GFRA1: variants seen among roughly 807,000 people sequenced by gnomAD.
The protein encoded by GFRA1 is GDNF family receptor alpha 1, also known as GDNF family receptor alpha-1.
A neutral mutation model predicts 51.6 loss-of-function variants in GFRA1; 16 were observed. That is an observed-to-expected ratio of 0.31 (90% CI 0.21 to 0.47). The LOEUF (loss-of-function observed/expected upper bound fraction) is 0.47. GFRA1 is among the 20% of genes least tolerant of loss of function. GFRA1 has a pLI of 1.00. For missense variants in GFRA1, 530 were observed against 594.3 expected, an observed-to-expected ratio of 0.89 and a Z score of 1.13; for synonymous variants, 270 against 241.3, an observed-to-expected ratio of 1.12 and a Z score of -1.10.
intron 4 of GFRA1, among the ~76,000 whole-genome samples, chr10:116,229,020 G>A (rs1368754750): frequency 6.8e-6 from 1 of 146,158 alleles, no homozygotes; most frequent in African/African-American, 2.5e-5. Context: ...AAGGCAGGTG[G>A]CCTCTAGAAA....
chr10:116,216,760 A>C (rs1965591997), intron 4 of GFRA1, among the ~76,000 whole-genome samples: 1 of 152,174 alleles, frequency 6.6e-6, no homozygotes, highest in South Asian at 2.1e-4. Flanking sequence ...TACAGAAAGA[A>C]AATTCTCTTT....
At chr10:116,127,641 T>C (rs1957932356) in intron 5 of GFRA1, among the ~76,000 whole-genome samples, 1 of 152,158 alleles carries the variant, frequency 6.6e-6, no homozygotes, top group Non-Finnish European at 1.5e-5. Flanking sequence ...CTCTAGCTCC[T>C]CTATTTCCAC....
At position 116,063,722 on chromosome 10, in the gene GFRA1, AT is replaced by A. The variant is rs1954936508; in HGVS notation, c.*675del. ...TCGGCACACTCATTCCCCACTCTCTATTTTGACGAAAAGACAGATACTATAT... is the reference window on the plus strand; with the variant it reads ...TCGGCACACTCATTCCCCACTCTCTATTTGACGAAAAGACAGATACTATAT... On this transcript the variant is annotated 3_prime_UTR_variant, in exon 11 of 11. Coordinates refer to ENST00000355422, the MANE Select transcript of GFRA1 (RefSeq NM_005264.8). The A allele has an allele frequency of 1.3e-5, 2 of 152,516 alleles. No individual in the cohort carries two copies. Among genetic ancestry groups the A allele is most frequent in the Non-Finnish European group, 2.9e-5 (2 of 68,216 alleles). 9.4% of individuals were successfully genotyped at this position (152,516 alleles called of 1,614,324 possible).
At chr10:116,200,394 C>A (rs1211047064) in intron 5 of GFRA1, among the ~76,000 whole-genome samples, 1 of 152,202 alleles carries the variant, frequency 6.6e-6, no homozygotes, top group African/African-American at 2.4e-5. Flanking sequence ...AGACCTTCTG[C>A]AAGGTTTGAC....
chr10:116,258,831 G>A (rs1565685928), intron 4 of GFRA1, among the ~76,000 whole-genome samples: 1 of 152,158 alleles, frequency 6.6e-6, no homozygotes, highest in Non-Finnish European at 1.5e-5. Context: ...CTAGCTCGCT[G>A]CAACTCACAG....
intron 5 of GFRA1, among the ~76,000 whole-genome samples, chr10:116,197,682 G>A (rs1963999867): frequency 6.6e-6 from 1 of 152,146 alleles, no homozygotes; most frequent in Non-Finnish European, 1.5e-5. Context: ...ATTTTGTGGG[G>A]GATACAACTA....
chr10:116,197,176 T>C (rs888402917), intron 5 of GFRA1, among the ~76,000 whole-genome samples: 1 of 151,950 alleles, frequency 6.6e-6, no homozygotes, highest in Non-Finnish European at 1.5e-5. Context: ...GGCAACAGTA[T>C]TAGGAGGTGG....
At chr10:116,092,360 G>A (rs140339369) in intron 8 of GFRA1, among the ~76,000 whole-genome samples, 2 of 152,246 alleles carry the variant, frequency 1.3e-5, no homozygotes, top group African/African-American at 4.8e-5. Context: ...TATCAACAAA[G>A]TAAATGATGA....
chr10:116,081,364 T>C (rs1422543252), intron 9 of GFRA1, among the ~76,000 whole-genome samples: 3 of 152,226 alleles, frequency 2.0e-5, no homozygotes, highest in South Asian at 4.1e-4. Context: ...TGCTCATTTA[T>C]GAACCAATCT....
At chr10:116,193,136 T>C (rs1963419426) in intron 5 of GFRA1, among the ~76,000 whole-genome samples, 1 of 152,138 alleles carries the variant, frequency 6.6e-6, no homozygotes, top group Admixed American at 6.5e-5. Context: ...CCAAGGAGCC[T>C]CAAGATTACA....
At position 116,063,035 on chromosome 10, in the gene GFRA1, C is replaced by CCAAA. The variant is rs1310163246; in HGVS notation, c.*1359_*1362dup. The stretch of plus-strand genomic sequence containing the variant: ...TTAATGACCTTCAGACCAAACTGCT[C>CCAAA]CAAACAGTGGCCAAGACGTTGCAGT... On this transcript the variant is annotated 3_prime_UTR_variant, in exon 11 of 11. Transcript: ENST00000355422. 9 of 152,150 alleles carry CCAAA rather than the reference C, an allele frequency of 5.9e-5. No individual in the cohort carries two copies. The highest frequency in any genetic ancestry group is 3.3e-4 in the Admixed American group (5 of 15,256). The allele number at this position is 152,150 out of a possible 1,614,324, so 9.4% of individuals were successfully genotyped here.
chr10:116,186,544 T>C (rs1483778529), intron 5 of GFRA1, among the ~76,000 whole-genome samples: 1 of 145,734 alleles, frequency 6.9e-6, no homozygotes, highest in Non-Finnish European at 1.5e-5. Context: ...TCTCTCTTTA[T>C]CTGCATAAGG....
intron 9 of GFRA1, 121 bp from the exon 10 acceptor site, chr10:116,065,747 T>G (rs1955075947): frequency 5.4e-6 from 4 of 739,574 alleles, no homozygotes; most frequent in Non-Finnish European, 7.1e-6. Context: ...AGCTGTGAGC[T>G]CCATATATAA....
chr10:116,140,898 G>A (rs1414909857), intron 5 of GFRA1, among the ~76,000 whole-genome samples: 2 of 152,210 alleles, frequency 1.3e-5, no homozygotes, highest in Non-Finnish European at 2.9e-5. Context: ...ATATCTACAG[G>A]AGATTAGTGT....
chr10:116,185,015 A>AT (rs533349268), intron 5 of GFRA1, among the ~76,000 whole-genome samples: 266 of 152,128 alleles, frequency 1.7e-3, no homozygotes, highest in African/African-American at 6.0e-3. Context: ...CGAAAAATAT[A>AT]TTTTTTTCCT....
At chr10:116,101,339 A>G (rs1956810255) in intron 6 of GFRA1, among the ~76,000 whole-genome samples, 1 of 152,300 alleles carries the variant, frequency 6.6e-6, no homozygotes, top group Admixed American at 6.5e-5. Flanking sequence ...ATGAGCTCTG[A>G]TTGTTTTTCT....
chr10:116,234,294 A>G (rs1424518030), intron 4 of GFRA1, among the ~76,000 whole-genome samples: 1 of 152,222 alleles, frequency 6.6e-6, no homozygotes, highest in Non-Finnish European at 1.5e-5. Flanking sequence ...TTAACTGGAC[A>G]GCATCTTGGG....
chr10:116,220,090 T>C (rs1439617465), intron 4 of GFRA1, among the ~76,000 whole-genome samples: 2 of 152,224 alleles, frequency 1.3e-5, no homozygotes, highest in Non-Finnish European at 2.9e-5. Context: ...TTATGCATGC[T>C]AAATTACATT....
chr10:116,140,900 G>A (rs950309376), intron 5 of GFRA1, among the ~76,000 whole-genome samples: 1 of 152,206 alleles, frequency 6.6e-6, no homozygotes, highest in African/African-American at 2.4e-5. Context: ...ATCTACAGGA[G>A]ATTAGTGTGT....
Sources: allele counts gnomAD v4.1 joint callset (sites outside exome capture counted in the v4.1 genomes callset), GRCh38; gene constraint gnomAD v4.1.1; transcripts MANE v1.5; gene names NCBI Gene and HGNC (gene_info 2026-07-23, HGNC 2026-07-21).